Variants in SGSM1 observed in about 807,000 individuals in gnomAD.
The protein encoded by SGSM1 is small G protein signaling modulator 1, also known as RUN and TBC1 domain containing 2.
A neutral mutation model predicts 133.8 loss-of-function variants in SGSM1; 73 were observed. That is an observed-to-expected ratio of 0.55 (90% CI 0.45 to 0.66). SGSM1 has a LOEUF of 0.66. SGSM1 is among the 30% of genes least tolerant of loss of function. SGSM1 has a pLI of 0.00. For missense variants in SGSM1, 1,213 were observed against 1,448.1 expected, an observed-to-expected ratio of 0.84 and a Z score of 2.64; for synonymous variants, 563 against 573.0, an observed-to-expected ratio of 0.98 and a Z score of 0.25.
At chr22:24,873,027 T>G in intron 12 of SGSM1, among the ~76,000 whole-genome samples, 1 of 151,994 alleles carries the variant, frequency 6.6e-6, no homozygotes, top group Non-Finnish European at 1.5e-5. Context: ...GGTGCGATCA[T>G]GGCTCACTGC....
chr22:24,851,450 GAGAGAGA>G (rs1300159975), intron 5 of SGSM1, among the ~76,000 whole-genome samples: 48 of 39,718 alleles, frequency 1.2e-3, no homozygotes, highest in African/African-American at 3.4e-3. Context: ...GGGGTGGGGG[GAGAGAGA>G]GAGAGAGAGA....
intron 16 of SGSM1, among the ~76,000 whole-genome samples, chr22:24,891,690 G>GT (rs1932816778): frequency 6.6e-6 from 1 of 152,136 alleles, no homozygotes; most frequent in African/African-American, 2.4e-5. Context: ...TTTCATGGGG[G>GT]TTGTGGTGGT....
intron 8 of SGSM1, among the ~76,000 whole-genome samples, chr22:24,856,760 T>G (rs1474926176): frequency 2.0e-5 from 3 of 151,386 alleles, no homozygotes; most frequent in Non-Finnish European, 4.4e-5. Flanking sequence ...AGATATACAG[T>G]TTCTTTTCTT....
intron 3 of SGSM1, among the ~76,000 whole-genome samples, chr22:24,846,374 A>G (rs2147837602): frequency 6.6e-6 from 1 of 152,108 alleles, no homozygotes; most frequent in Middle Eastern, 3.4e-3. Flanking sequence ...ACACACATGC[A>G]CATAATTACA....
chr22:24,844,559 C>T (rs752758630), intron 2 of SGSM1: 7 of 220,304 alleles, frequency 3.2e-5, no homozygotes, highest in Non-Finnish European at 5.3e-5. Context: ...TGGTGAGTGC[C>T]CTACAGGAAC....
intron 14 of SGSM1, among the ~76,000 whole-genome samples, chr22:24,883,792 A>G (rs535742575): frequency 6.6e-6 from 1 of 152,306 alleles, no homozygotes; most frequent in South Asian, 2.1e-4. Flanking sequence ...CCTCGTCTCT[A>G]CAAAAAATAA....
chr22:24,843,591 C>T (rs1929926443), intron 2 of SGSM1: 1 of 152,212 alleles, frequency 6.6e-6, no homozygotes, highest in African/African-American at 2.4e-5. Flanking sequence ...GATTGTTTTC[C>T]AACCTCCTCA....
At chr22:24,877,083 G>T (rs1026706006) in intron 13 of SGSM1, among the ~76,000 whole-genome samples, 2 of 152,168 alleles carry the variant, frequency 1.3e-5, no homozygotes. Flanking sequence ...ACAGGGAAAG[G>T]TAGCTCTGCA....
chr22:24,817,361 CT>C (rs540559720), intron 2 of SGSM1, among the ~76,000 whole-genome samples: 5 of 132,524 alleles, frequency 3.8e-5, no homozygotes, highest in African/African-American at 5.4e-5. Flanking sequence ...CTTTTTTTTT[CT>C]TTTTTTTTTG....
intron 18 of SGSM1, 104 bp downstream of exon 18, chr22:24,895,395 T>C (rs1932892156): frequency 1.7e-6 from 2 of 1,174,228 alleles, no homozygotes; most frequent in African/African-American, 3.1e-5. Context: ...TTTGCTTTAT[T>C]TGTTTTAGCT....
At chr22:24,899,711 T>G (rs1392474033) in intron 19 of SGSM1, among the ~76,000 whole-genome samples, 1 of 151,790 alleles carries the variant, frequency 6.6e-6, no homozygotes, top group African/African-American at 2.4e-5. Flanking sequence ...TTAGTAGAGA[T>G]AGGGTTTCAC....
intron 8 of SGSM1, among the ~76,000 whole-genome samples, chr22:24,856,739 C>G (rs1930814417): frequency 6.6e-6 from 1 of 151,952 alleles, no homozygotes; most frequent in South Asian, 2.1e-4. Context: ...ATCTAAGAAG[C>G]CATTAATTTA....
At position 24,901,813 on chromosome 22, in the gene SGSM1, C is replaced by T. The variant is rs9620456; in HGVS notation, c.2611-20C>T. ...GATTTTTCATTTCTTCCCCCTACCCCCTGCCCCGATGGCCTATAGCCAGAG... is the reference window on the plus strand; with the variant it reads ...GATTTTTCATTTCTTCCCCCTACCCTCTGCCCCGATGGCCTATAGCCAGAG... On this transcript the variant is annotated intron_variant, in intron 19 of 24. Transcript: ENST00000400358. The T allele has an allele frequency of 1.2e-6, 2 of 1,611,264 alleles. No homozygotes were observed. The highest frequency in any genetic ancestry group is 2.2e-5 in the East Asian group (1 of 44,774).
At chr22:24,861,436 C>T (rs1931147794) in intron 9 of SGSM1, among the ~76,000 whole-genome samples, 1 of 151,942 alleles carries the variant, frequency 6.6e-6, no homozygotes, top group South Asian at 2.1e-4. Flanking sequence ...GGTCAGTGGG[C>T]AGGACAATTG....
rs1367539189 is a variant in SGSM1, at chr22:24,861,952, C to CT, written c.926+2115dup. 7.6e-3 allele frequency among the ~76,000 whole-genome samples: 1,083 copies of CT among 142,258 alleles called. 6 individuals carry two copies. Among genetic ancestry groups the CT allele is most frequent in the African/African-American group, 0.028 (1,017 of 36,144 alleles). The allele number at this position is 142,258 out of a possible 152,430, so 93.3% of individuals were successfully genotyped here. The stretch of plus-strand genomic sequence containing the variant: ...CCCAGAGTCTAGAGTTTCTTTCTTT[C>CT]TTTCTTTTTTTTTTTTTTTGAGACA... On this transcript the variant is annotated intron_variant, in intron 9 of 24. Coordinates refer to ENST00000400358, the MANE Select transcript of SGSM1 (RefSeq NM_001098497.3).
chr22:24,860,912 A>ATATATAT (rs1356480013), intron 9 of SGSM1, among the ~76,000 whole-genome samples: 76 of 97,620 alleles, frequency 7.8e-4, no homozygotes, highest in South Asian at 2.4e-3. Context: ...AAAAAAAAAA[A>ATATATAT]AAAAAAAAAA....
intron 14 of SGSM1, 140 bp downstream of exon 14, chr22:24,879,666 GT>G (rs1932220526): frequency 7.1e-6 from 6 of 845,092 alleles, no homozygotes; most frequent in Non-Finnish European, 9.0e-6. Context: ...TTTCAGTGAC[GT>G]TACATGAACT....
chr22:24,816,263 A>G (rs1435483432), intron 2 of SGSM1, among the ~76,000 whole-genome samples: 3 of 152,214 alleles, frequency 2.0e-5, no homozygotes, highest in Admixed American at 6.5e-5. Context: ...AACCAGGACT[A>G]CAGAGCTGAG....
chr22:24,859,661 A>G, intron 8 of SGSM1, 55 bp from the exon 9 acceptor site: 1 of 1,610,412 alleles, frequency 6.2e-7, no homozygotes, highest in Non-Finnish European at 8.5e-7. Context: ...GCCAGGACCT[A>G]TGTCCACAGC....
Sources: allele counts gnomAD v4.1 joint callset (sites outside exome capture counted in the v4.1 genomes callset), GRCh38; gene constraint gnomAD v4.1.1; transcripts MANE v1.5; gene names NCBI Gene and HGNC (gene_info 2026-07-23, HGNC 2026-07-21).